Variants in MLLT10 observed in about 807,000 individuals in gnomAD.
MLLT10 encodes the protein MLLT10 histone lysine methyltransferase DOT1L cofactor.
A neutral mutation model predicts 129.1 loss-of-function variants in MLLT10; 30 were observed. The observed-to-expected ratio is 0.23, with a 90% confidence interval of 0.17 to 0.32. The LOEUF (loss-of-function observed/expected upper bound fraction) is 0.32, where lower values mean the gene tolerates loss of function less well. Among genes scored for constraint, MLLT10 ranks in the 10% least tolerant of loss-of-function variants. The probability of loss-of-function intolerance (pLI) is 1.00; values close to 1 mark genes in which losing one functional copy is unlikely to be tolerated. For missense variants in MLLT10, 1,119 were observed against 1,268.3 expected (o/e 0.88, Z 1.79); for synonymous variants, 490 against 446.4 (o/e 1.10, Z -1.23).
At chr10:21,609,955 C>T (rs1679761710) in intron 5 of MLLT10, among the ~76,000 whole-genome samples, 2 of 152,114 alleles carry the variant, frequency 1.3e-5, no homozygotes, top group Non-Finnish European at 2.9e-5. Flanking sequence ...AGCATGAACT[C>T]TAAGCCTGTT....
intron 9 of MLLT10, among the ~76,000 whole-genome samples, chr10:21,664,944 C>CTTTTTTTTTTTTTT (rs146373535): frequency 1.1e-4 from 13 of 119,392 alleles, no homozygotes; most frequent in Non-Finnish European, 1.4e-4. Flanking sequence ...TTTTTCTTTT[C>CTTTTTTTTTTTTTT]TTTTTTTTTT....
chr10:21,717,607 C>CTTCCTCTTCT (rs2056736577), intron 14 of MLLT10, among the ~76,000 whole-genome samples: 1 of 132,588 alleles, frequency 7.5e-6, no homozygotes, highest in African/African-American at 2.8e-5. Context: ...CTTTCTTCCT[C>CTTCCTCTTCT]TTCTTCCTCC....
intron 8 of MLLT10, among the ~76,000 whole-genome samples, chr10:21,633,749 TAC>T (rs2047207069): frequency 6.6e-6 from 1 of 152,214 alleles, no homozygotes; most frequent in Non-Finnish European, 1.5e-5. Flanking sequence ...GCTTCCTCTC[TAC>T]ACAGTTAGGA....
At chr10:21,664,205 ATT>A (rs1378425675) in intron 9 of MLLT10, among the ~76,000 whole-genome samples, 1 of 150,866 alleles carries the variant, frequency 6.6e-6, no homozygotes, top group African/African-American at 2.4e-5. Context: ...CTAATTTAAT[ATT>A]TTTGTGTTAT....
intron 13 of MLLT10, among the ~76,000 whole-genome samples, chr10:21,707,382 G>A (rs897311162): frequency 2.0e-5 from 3 of 151,506 alleles, no homozygotes; most frequent in East Asian, 1.9e-4. Context: ...TAGTAGAGAC[G>A]GGGTTTCACC....
At chr10:21,721,426 T>C (rs1445605177) in intron 14 of MLLT10, among the ~76,000 whole-genome samples, 2 of 152,152 alleles carry the variant, frequency 1.3e-5, no homozygotes, top group Non-Finnish European at 2.9e-5. Flanking sequence ...AGTTTCACAT[T>C]CAGTTAATTG....
At chr10:21,662,372 A>G (rs949793883) in intron 9 of MLLT10, among the ~76,000 whole-genome samples, 1 of 152,064 alleles carries the variant, frequency 6.6e-6, no homozygotes, top group Non-Finnish European at 1.5e-5. Flanking sequence ...TATATGTCCC[A>G]GCATTCATGG....
chr10:21,688,498 T>A lies in MLLT10; in HGVS notation c.1699+6241T>A, dbSNP rs773394132. The A allele has an allele frequency of 6.8e-6, 11 of 1,612,348 alleles. No homozygotes were observed. In the East Asian group the frequency reaches 2.5e-4, roughly 36 times the overall value. ...AGTGTGTCTTTTCTTTAGACAGAGG[T>A]GACAGTTCTACACTAACAAAGCAAG... On this transcript the variant is annotated intron_variant, in intron 13 of 22. Transcript: ENST00000307729.
At chr10:21,645,944 C>T (rs1366536471) in intron 8 of MLLT10, among the ~76,000 whole-genome samples, 1 of 152,188 alleles carries the variant, frequency 6.6e-6, no homozygotes. Flanking sequence ...GTGGCTCACA[C>T]CTGTAATCCC....
chr10:21,676,752 AAAAAT>A (rs1342369482), intron 11 of MLLT10, among the ~76,000 whole-genome samples: 3 of 149,042 alleles, frequency 2.0e-5, no homozygotes, highest in African/African-American at 5.0e-5. Flanking sequence ...AAAAAAAAAA[AAAAAT>A]TACTCTGAAG....
intron 3 of MLLT10, among the ~76,000 whole-genome samples, chr10:21,580,893 T>A (rs1464398485): frequency 1.7e-5 from 2 of 120,606 alleles, no homozygotes; most frequent in Non-Finnish European, 3.4e-5. Flanking sequence ...TTTTTTTTTT[T>A]AGTAGAGACG....
intron 13 of MLLT10, among the ~76,000 whole-genome samples, chr10:21,712,073 T>A (rs565534654): frequency 6.6e-6 from 1 of 152,300 alleles, no homozygotes; most frequent in East Asian, 1.9e-4. Flanking sequence ...TCTGGAGAAA[T>A]TGTAGATATA....
chr10:21,646,428 C>T (rs1205447075), intron 8 of MLLT10, among the ~76,000 whole-genome samples: 1 of 151,648 alleles, frequency 6.6e-6, no homozygotes, highest in Admixed American at 6.6e-5. Flanking sequence ...TTTCCCCTTG[C>T]TCTTGATTTT....
chr10:21,679,690 T>C (rs1244129493), intron 11 of MLLT10, among the ~76,000 whole-genome samples: 1 of 152,198 alleles, frequency 6.6e-6, no homozygotes, highest in African/African-American at 2.4e-5. Context: ...AAAGTACAGG[T>C]TGAGTAACCT....
intron 21 of MLLT10, among the ~76,000 whole-genome samples, chr10:21,739,088 C>G (rs1564758487): frequency 6.6e-6 from 1 of 152,208 alleles, no homozygotes; most frequent in Non-Finnish European, 1.5e-5. Flanking sequence ...CTGATGGCAG[C>G]TCCATCCTCA....
At chr10:21,543,368 G>A (rs1459746578) in intron 3 of MLLT10, among the ~76,000 whole-genome samples, 3 of 152,104 alleles carry the variant, frequency 2.0e-5, no homozygotes, top group Non-Finnish European at 4.4e-5. Flanking sequence ...TGATCCACCC[G>A]CCTCAGCCTC....
chr10:21,603,256 G>A (rs1328841240), intron 5 of MLLT10, among the ~76,000 whole-genome samples: 1 of 147,838 alleles, frequency 6.8e-6, no homozygotes, highest in Non-Finnish European at 1.5e-5. Context: ...TAGTAGAGGC[G>A]GGGTTTCACC....
At chr10:21,568,793 T>C (rs1042385820) in intron 3 of MLLT10, among the ~76,000 whole-genome samples, 3 of 152,120 alleles carry the variant, frequency 2.0e-5, no homozygotes. Context: ...CCTGCTACCA[T>C]GCCCGGCTAA....
At chr10:21,717,467 T>C (rs564560664) in intron 14 of MLLT10, among the ~76,000 whole-genome samples, 72 of 148,654 alleles carry the variant, frequency 4.8e-4, no homozygotes, top group African/African-American at 1.4e-3. Context: ...AACTGTTTGA[T>C]TTTATATTCT....
Sources: allele counts gnomAD v4.1 joint callset (sites outside exome capture counted in the v4.1 genomes callset), GRCh38; gene constraint gnomAD v4.1.1; transcripts MANE v1.5; gene names NCBI Gene and HGNC (gene_info 2026-07-23, HGNC 2026-07-21).